Variants in GPHN observed in about 807,000 individuals in gnomAD.
GPHN encodes gephyrin.
GPHN carries 17 observed loss-of-function variants against 95.5 expected under a neutral mutation model. That is an observed-to-expected ratio of 0.18 (90% CI 0.12 to 0.27). The LOEUF is 0.27. Ranked by LOEUF, GPHN falls within the 10% of genes least tolerant of loss-of-function variation. GPHN has a pLI of 1.00. For missense variants in GPHN, 660 were observed against 978.1 expected, an observed-to-expected ratio of 0.67 and a Z score of 4.34; for synonymous variants, 320 against 322.5, an observed-to-expected ratio of 0.99 and a Z score of 0.08.
intron 2 of GPHN, among the ~76,000 whole-genome samples, chr14:66,729,275 T>A (rs1300298159): frequency 6.6e-6 from 1 of 152,148 alleles, no homozygotes; most frequent in African/African-American, 2.4e-5. Flanking sequence ...CCAGGATATC[T>A]CATTATATAT....
chr14:67,642,461 C>T, the GPHN span: 1 of 1,372,028 alleles, frequency 7.3e-7, no homozygotes, highest in Non-Finnish European at 9.9e-7. Context: ...GAGAAAAATA[C>T]CCTACAGAAT....
the GPHN span, among the ~76,000 whole-genome samples, chr14:67,550,156 G>T: frequency 1.4e-5 from 1 of 69,264 alleles, no homozygotes; most frequent in African/African-American, 4.6e-5. Context: ...AAGATCTGTT[G>T]CTAAAAAAAA....
chr14:67,469,451 T>TG, the GPHN span, among the ~76,000 whole-genome samples: 1 of 146,126 alleles, frequency 6.8e-6, no homozygotes, highest in East Asian at 2.0e-4. Flanking sequence ...TTTTTTTTTT[T>TG]TTTTTTTTTT....
chr14:66,681,645 G>A (rs2066937440), intron 2 of GPHN, among the ~76,000 whole-genome samples: 2 of 152,096 alleles, frequency 1.3e-5, no homozygotes, highest in African/African-American at 2.4e-5. Context: ...TATGGCACAA[G>A]AATTTTGGAG....
the GPHN span, among the ~76,000 whole-genome samples, chr14:67,572,933 A>G: frequency 2.4e-4 from 36 of 152,094 alleles, no homozygotes; most frequent in African/African-American, 7.7e-4. Context: ...TTTGAGGGAG[A>G]GGCTGAACTA....
At chr14:67,336,662 G>C in the GPHN span, 5 of 454,324 alleles carry the variant, frequency 1.1e-5, no homozygotes, top group South Asian at 7.8e-5. Context: ...TTGCATTCCA[G>C]CTGTGCTCTT....
the GPHN span, among the ~76,000 whole-genome samples, chr14:67,408,354 TAA>T: frequency 1.3e-4 from 18 of 134,866 alleles, no homozygotes; most frequent in East Asian, 3.2e-3. Flanking sequence ...TAAAATAAAA[TAA>T]AAAAAGAAAA....
chr14:66,724,035 A>G (rs1268592752), intron 2 of GPHN, among the ~76,000 whole-genome samples: 1 of 151,940 alleles, frequency 6.6e-6, no homozygotes, highest in Non-Finnish European at 1.5e-5. Flanking sequence ...AGATTCAAAT[A>G]AAGATCTTAC....
At chr14:66,620,467 T>G in intron 1 of GPHN, among the ~76,000 whole-genome samples, 1 of 152,094 alleles carries the variant, frequency 6.6e-6, no homozygotes, top group East Asian at 1.9e-4. Context: ...AGTGAACCTG[T>G]GTAGAAAAAC....
chr14:66,715,234 A>G (rs933351596), intron 2 of GPHN, among the ~76,000 whole-genome samples: 6 of 152,004 alleles, frequency 3.9e-5, no homozygotes, highest in African/African-American at 1.4e-4. Flanking sequence ...GGAATTATCC[A>G]TCTCTTCTAG....
intron 8 of GPHN, among the ~76,000 whole-genome samples, chr14:66,960,701 T>C (rs2068842546): frequency 6.6e-6 from 1 of 152,110 alleles, no homozygotes. Flanking sequence ...TTTACAGCTC[T>C]TCATTAGTTT....
chr14:67,312,942 G>C, the GPHN span, among the ~76,000 whole-genome samples: 1 of 152,106 alleles, frequency 6.6e-6, no homozygotes, highest in Non-Finnish European at 1.5e-5. Flanking sequence ...ATCCCATATT[G>C]TAGTACATTT....
At chr14:67,155,338 CAAAG>C (rs2081519947) in intron 18 of GPHN, among the ~76,000 whole-genome samples, 1 of 152,122 alleles carries the variant, frequency 6.6e-6, no homozygotes, top group Non-Finnish European at 1.5e-5. Context: ...TATCATTGTC[CAAAG>C]CCTTTTCAAT....
chr14:67,310,808 A>AT, the GPHN span, among the ~76,000 whole-genome samples: 2 of 152,150 alleles, frequency 1.3e-5, no homozygotes, highest in Admixed American at 6.5e-5. Context: ...CAAGCCAAAA[A>AT]TTTTTTAAAA....
At chr14:67,650,633 G>T in the GPHN span, 4 of 1,322,606 alleles carry the variant, frequency 3.0e-6, no homozygotes, top group East Asian at 9.3e-5. Context: ...ACTTTGGCTT[G>T]TTCTCCCTGT....
intron 2 of GPHN, among the ~76,000 whole-genome samples, chr14:66,760,079 C>T (rs988395107): frequency 6.6e-6 from 1 of 152,112 alleles, no homozygotes; most frequent in African/African-American, 2.4e-5. Context: ...GTTTTCTTTA[C>T]AGCACTTACA....
the GPHN span, among the ~76,000 whole-genome samples, chr14:67,466,412 G>C: frequency 6.6e-6 from 1 of 152,242 alleles, no homozygotes; most frequent in Non-Finnish European, 1.5e-5. Context: ...GGCTCTGCAG[G>C]GATTAATGGT....
At chr14:67,311,571 A>G in the GPHN span, among the ~76,000 whole-genome samples, 6 of 152,316 alleles carry the variant, frequency 3.9e-5, no homozygotes, top group East Asian at 7.7e-4. Flanking sequence ...AAAATTAGAC[A>G]TGGGGAAATT....
At chr14:67,478,143 G>A in the GPHN span, among the ~76,000 whole-genome samples, 40 of 152,346 alleles carry the variant, frequency 2.6e-4, no homozygotes, top group African/African-American at 8.4e-4. Flanking sequence ...CTGGGGCAGC[G>A]TAGCTCCACT....
Sources: allele counts gnomAD v4.1 joint callset (sites outside exome capture counted in the v4.1 genomes callset), GRCh38; gene constraint gnomAD v4.1.1; transcripts MANE v1.5; gene names NCBI Gene and HGNC (gene_info 2026-07-23, HGNC 2026-07-21).